The following ANKRD42 variants were observed in gnomAD, a reference collection of about 807,000 sequenced individuals.
ANKRD42 encodes ankyrin repeat domain-containing protein 42.
In ANKRD42, 43 loss-of-function variants were observed where a neutral mutation model predicts 51.5. The ratio of observed to expected loss-of-function variants is 0.83; its 90% CI spans 0.65 to 1.08. The LOEUF (loss-of-function observed/expected upper bound fraction) is 1.08, where lower values mean the gene tolerates loss of function less well. Ranked by LOEUF, ANKRD42 falls within the 50% of genes least tolerant of loss-of-function variation. The probability of loss-of-function intolerance (pLI) is 0.00; values close to 1 mark genes in which losing one functional copy is unlikely to be tolerated. For synonymous variants in ANKRD42, 203 were observed against 213.0 expected (o/e 0.95, Z 0.41); for missense variants, 608 against 629.3 (o/e 0.97, Z 0.36).
intron 7 of ANKRD42, among the ~76,000 whole-genome samples, chr11:83,233,472 CTT>C (rs921252380): frequency 9.2e-5 from 14 of 151,946 alleles, no homozygotes; most frequent in African/African-American, 3.4e-4. Flanking sequence ...GATCTTCTCT[CTT>C]TTTTTCTTAG....
intron 5 of ANKRD42, among the ~76,000 whole-genome samples, chr11:83,224,637 G>T (rs1463517738): frequency 1.3e-5 from 2 of 151,936 alleles, no homozygotes; most frequent in Non-Finnish European, 2.9e-5. Flanking sequence ...AATAAATTCT[G>T]CCAGGCATGG....
At chr11:83,215,029 A>G (rs1862477699) in intron 5 of ANKRD42, 1 of 152,172 alleles carries the variant, frequency 6.6e-6, no homozygotes, top group Non-Finnish European at 1.5e-5. Context: ...ATGACCTCCA[A>G]TTCCATCCAT....
At chr11:83,210,549 C>G (rs1297860684) in intron 4 of ANKRD42, 130 bp downstream of exon 4, 1 of 1,163,252 alleles carries the variant, frequency 8.6e-7, no homozygotes, top group African/African-American at 1.6e-5. Flanking sequence ...TAATTTTTCT[C>G]TCTAGCTTTT....
At chr11:83,226,003 C>T (rs1862870971) in intron 6 of ANKRD42, among the ~76,000 whole-genome samples, 1 of 152,158 alleles carries the variant, frequency 6.6e-6, no homozygotes, top group South Asian at 2.1e-4. Flanking sequence ...GATCCTCCTG[C>T]CCCAGCCTCC....
downstream of ANKRD42, chr11:83,260,272 T>TC (rs1364772883): frequency 6.6e-6 from 1 of 152,216 alleles, no homozygotes; most frequent in Non-Finnish European, 1.5e-5. Flanking sequence ...ACCATGTTCA[T>TC]CTCTGTGCAC....
At chr11:83,231,510 G>T (rs1363818347) in intron 7 of ANKRD42, among the ~76,000 whole-genome samples, 2 of 152,064 alleles carry the variant, frequency 1.3e-5, no homozygotes, top group East Asian at 1.9e-4. Context: ...TCTGTGGGTT[G>T]TCTCTTCACT....
intron 5 of ANKRD42, among the ~76,000 whole-genome samples, chr11:83,218,056 C>G (rs1862595688): frequency 6.6e-6 from 1 of 152,196 alleles, no homozygotes; most frequent in African/African-American, 2.4e-5. Context: ...TTGGGTGATA[C>G]ATTTATCCTT....
At chr11:83,221,042 A>T (rs1326183243) in intron 5 of ANKRD42, among the ~76,000 whole-genome samples, 1 of 151,772 alleles carries the variant, frequency 6.6e-6, no homozygotes, top group African/African-American at 2.4e-5. Flanking sequence ...CTTTTGAGAT[A>T]ATTTTCTATT....
chr11:83,247,891 A>G, intron 10 of ANKRD42, 52 bp from the exon 11 acceptor site: 1 of 1,410,930 alleles, frequency 7.1e-7, no homozygotes, highest in East Asian at 2.3e-5. Context: ...TACTAAAAGT[A>G]ATTATTAGTT....
At chr11:83,227,652 G>C in intron 6 of ANKRD42, 95 bp from the exon 7 acceptor site, 1 of 1,330,986 alleles carries the variant, frequency 7.5e-7, no homozygotes, top group Non-Finnish European at 1.0e-6. Flanking sequence ...CCTTATATTT[G>C]AGAAAATATT....
chr11:83,250,852 A>G (rs1591014659), downstream of ANKRD42, among the ~76,000 whole-genome samples: 1 of 152,156 alleles, frequency 6.6e-6, no homozygotes, highest in Non-Finnish European at 1.5e-5. Context: ...TGTAGGTAGG[A>G]ACATGTTCTC....
chr11:83,204,785 G>A (rs942255328), intron 2 of ANKRD42, among the ~76,000 whole-genome samples: 1 of 152,052 alleles, frequency 6.6e-6, no homozygotes, highest in African/African-American at 2.4e-5. Flanking sequence ...CTAAGAACTT[G>A]TAACCAGATT....
At chr11:83,243,018 CCTTT>C (rs1863440352) in intron 9 of ANKRD42, among the ~76,000 whole-genome samples, 2 of 152,060 alleles carry the variant, frequency 1.3e-5, no homozygotes, top group African/African-American at 2.4e-5. Context: ...GATATATATT[CCTTT>C]CTGTTTTGAG....
intron 5 of ANKRD42, among the ~76,000 whole-genome samples, chr11:83,221,926 T>A (rs1304586301): frequency 1.3e-5 from 2 of 152,202 alleles, no homozygotes; most frequent in East Asian, 3.8e-4. Context: ...TCCTGTGGCT[T>A]GAGATAGGGA....
intron 5 of ANKRD42, among the ~76,000 whole-genome samples, chr11:83,223,687 A>AG (rs545847794): frequency 1.0e-3 from 152 of 152,288 alleles, no homozygotes; most frequent in Admixed American, 9.0e-3. Flanking sequence ...CTGAAGTTTC[A>AG]GGGGGGCAGG....
At position 83,206,141 on chromosome 11, in the gene ANKRD42, CAG is replaced by C. The variant is rs745831352; in HGVS notation, c.307_308del (p.Arg103GlyfsTer21). ...GWTASHIAAI[R>X]GQDACVQALI... ...GGACAGCATCTCACATAGCTGCAAT[CAG>C]GGGTCAGGATGCTTGTGTACAGGTA... On this transcript the variant is annotated frameshift_variant, in exon 3 of 11. Transcript: ENST00000533342. LOFTEE classifies it high-confidence loss of function. 141 of 1,613,734 alleles carry C rather than the reference CAG, an allele frequency of 8.7e-5. No individual in the cohort carries two copies. Among genetic ancestry groups the C allele is most frequent in the Middle Eastern group, 1.6e-4 (1 of 6,082 alleles).
In ANKRD42 at chr11:83,194,078, GAGTT is replaced by G. The variant is rs1210117391; in HGVS notation, c.-590_-587del. 8.8e-6 allele frequency: 4 copies of G among 456,416 alleles called. No homozygotes were observed. The highest frequency in any genetic ancestry group is 4.7e-5 in the Admixed American group (2 of 42,562). 28.3% of individuals were successfully genotyped at this position (456,416 alleles called of 1,614,324 possible). A position where few individuals can be genotyped will look rare whatever the true frequency, so the allele number is the denominator to read the frequency against. ...CACTGCCGCAGCGTCTCTAGGGAGA[GAGTT>G]AGGGGAGATAGTGGCCACAGTCACA... On this transcript the variant is annotated 5_prime_UTR_variant, in exon 1 of 11. Coordinates refer to ENST00000533342, the MANE Select transcript of ANKRD42 (RefSeq NM_001300975.2).
downstream of ANKRD42, among the ~76,000 whole-genome samples, chr11:83,256,606 T>G (rs1863779759): frequency 6.6e-6 from 1 of 152,194 alleles, no homozygotes; most frequent in Admixed American, 6.5e-5. Context: ...TTATAACTCT[T>G]GGGTCCAGCT....
Position 83,198,580 on chromosome 11 carries a change from G to C in ANKRD42, c.160G>C (p.Glu54Gln). The change falls in exon 2 of 11, where the codon GAA becomes CAA. Residue 54 changes from glutamate (E) to glutamine (Q), a missense_variant. Coordinates refer to ENST00000533342, the MANE Select transcript of ANKRD42 (RefSeq NM_001300975.2). ...AGTGGTACGTGGAGCCAGCATTAAT[G>C]AACTTGATGTTCTCCATAAGTTTAC... ...EIVVRGASIN[E>Q]LDVLHKFTPL... The C allele has an allele frequency of 6.2e-7, 1 of 1,613,338 alleles. No homozygotes were observed. Among genetic ancestry groups the C allele is most frequent in the Non-Finnish European group, 8.5e-7 (1 of 1,179,484 alleles).
Sources: allele counts gnomAD v4.1 joint callset (sites outside exome capture counted in the v4.1 genomes callset), GRCh38; gene constraint gnomAD v4.1.1; transcripts MANE v1.5; gene names NCBI Gene and HGNC (gene_info 2026-07-23, HGNC 2026-07-21).